The following FAM167A variants were observed in gnomAD, a reference collection of about 807,000 sequenced individuals.
FAM167A encodes protein FAM167A.
In FAM167A, 23 loss-of-function variants were observed where a neutral mutation model predicts 14.9. The ratio of observed to expected loss-of-function variants is 1.55; its 90% CI spans 1.11 to 2.19. The LOEUF is 2.19. FAM167A is among the 30% of genes most tolerant of loss of function. The pLI, the probability that FAM167A is intolerant of heterozygous loss-of-function variation, is 0.00. For synonymous variants in FAM167A, 174 were observed against 117.7 expected (o/e 1.48, Z -3.10); for missense variants, 401 against 281.5 (o/e 1.42, Z -3.04).
At chr8:11,455,966 A>AGTGAGT (rs1807256593) in intron 1 of FAM167A, among the ~76,000 whole-genome samples, 1 of 30,028 alleles carries the variant, frequency 3.3e-5, no homozygotes, top group African/African-American at 1.3e-4. Context: ...CCTTGCTGTG[A>AGTGAGT]GTGAGTGTGG....
intron 2 of FAM167A, chr8:11,435,153 TC>T: frequency 2.2e-6 from 1 of 456,454 alleles, no homozygotes; most frequent in Non-Finnish European, 4.4e-6. Context: ...CCTCTCCCAC[TC>T]TGATGCCCTT....
At chr8:11,451,484 G>C (rs1807025570) in intron 1 of FAM167A, among the ~76,000 whole-genome samples, 1 of 152,254 alleles carries the variant, frequency 6.6e-6, no homozygotes, top group South Asian at 2.1e-4. Flanking sequence ...GCTGCTATTT[G>C]TCTTTCGTTG....
At chr8:11,447,971 G>A (rs1476123907) in intron 1 of FAM167A, among the ~76,000 whole-genome samples, 1 of 152,140 alleles carries the variant, frequency 6.6e-6, no homozygotes, top group Non-Finnish European at 1.5e-5. Flanking sequence ...CGAGGCGGGT[G>A]GATCACGAGG....
chr8:11,475,450 C>T (rs566953581), intron 1 of FAM167A, among the ~76,000 whole-genome samples: 196 of 152,120 alleles, frequency 1.3e-3, no homozygotes, highest in African/African-American at 3.7e-3. Flanking sequence ...TGTTCAGCTG[C>T]GCAAGTCACT....
At chr8:11,441,962 T>G (rs1382013234) in intron 2 of FAM167A, among the ~76,000 whole-genome samples, 1 of 152,196 alleles carries the variant, frequency 6.6e-6, no homozygotes, top group Non-Finnish European at 1.5e-5. Context: ...GTGCCTGGCA[T>G]ACAGGACACA....
At chr8:11,429,617 C>G (rs1232440445) in intron 2 of FAM167A, among the ~76,000 whole-genome samples, 1 of 152,242 alleles carries the variant, frequency 6.6e-6, no homozygotes, top group Non-Finnish European at 1.5e-5. Context: ...AGGAACGGCT[C>G]ATGGCCAGCC....
intron 2 of FAM167A, chr8:11,438,296 C>G: frequency 2.5e-6 from 1 of 401,484 alleles, no homozygotes; most frequent in South Asian, 1.9e-5. Flanking sequence ...CAGGACCTCC[C>G]GGTTGGGGTC....
intron 1 of FAM167A, among the ~76,000 whole-genome samples, chr8:11,475,747 C>G (rs1797856740): frequency 1.3e-5 from 2 of 152,124 alleles, no homozygotes; most frequent in African/African-American, 4.8e-5. Context: ...TCTAATCTTT[C>G]CCTAAATGTA....
intron 1 of FAM167A, among the ~76,000 whole-genome samples, chr8:11,458,272 A>C (rs546366980): frequency 6.6e-6 from 1 of 152,252 alleles, no homozygotes. Context: ...ACCTCACTCG[A>C]CAGTCTTTTG....
intron 1 of FAM167A, chr8:11,445,379 C>A: frequency 1.0e-6 from 1 of 985,958 alleles, no homozygotes; most frequent in South Asian, 4.7e-5. Context: ...CCAGGTCTTA[C>A]TCTACGCTCC....
At chr8:11,425,558 A>G (rs912731944) in intron 2 of FAM167A, among the ~76,000 whole-genome samples, 3 of 152,178 alleles carry the variant, frequency 2.0e-5, no homozygotes, top group African/African-American at 7.2e-5. Flanking sequence ...TAAAATCCTA[A>G]GCCCCCCAAC....
At chr8:11,435,160 C>A (rs1452625118) in intron 2 of FAM167A, 2 of 456,100 alleles carry the variant, frequency 4.4e-6, no homozygotes, top group Admixed American at 2.4e-5. Context: ...CACTCTGATG[C>A]CCTTGCCCCC....
intron 1 of FAM167A, among the ~76,000 whole-genome samples, chr8:11,465,972 G>A (rs2117160164): frequency 6.6e-6 from 1 of 152,096 alleles, no homozygotes; most frequent in African/African-American, 2.4e-5. Context: ...TAACGGGTGT[G>A]CAGAAAACCT....
chr8:11,452,988 C>T (rs56223612), intron 1 of FAM167A, among the ~76,000 whole-genome samples: 10 of 152,244 alleles, frequency 6.6e-5, no homozygotes, highest in East Asian at 1.9e-4. Context: ...GTGATCTCCC[C>T]CCTCTGTCCC....
upstream of FAM167A, chr8:11,466,824 C>T (rs1030229234): frequency 2.6e-5 from 4 of 152,186 alleles, no homozygotes; most frequent in African/African-American, 9.6e-5. Flanking sequence ...CTGGCGACGG[C>T]CGAGCTCTCC....
chr8:11,456,638 G>A (rs1379777036), intron 1 of FAM167A, among the ~76,000 whole-genome samples: 1 of 151,522 alleles, frequency 6.6e-6, no homozygotes, highest in Non-Finnish European at 1.5e-5. Context: ...AGTGTGAGGT[G>A]GTTGCTCTAT....
chr8:11,445,692 A>G (rs912909015), intron 1 of FAM167A: 2 of 869,314 alleles, frequency 2.3e-6, no homozygotes, highest in Non-Finnish European at 2.8e-6. Context: ...ACTCCCAGTA[A>G]GAAGAGACCG....
Position 11,422,376 on chromosome 8 carries a change from GTGTGTGTGTGTGTGTGT to G in FAM167A, c.*1980_*1996del. On this transcript the variant is annotated 3_prime_UTR_variant, in exon 3 of 3. Coordinates refer to ENST00000284486, the MANE Select transcript of FAM167A (RefSeq NM_053279.3). ...CTGTCGTGTGTGTGTGTGTGGGGGT[GTGTGTGTGTGTGTGTGT>G]GTGTGTGTGTGTAGGTCAGCCCGAG... The G allele has an allele frequency of 1.2e-5, 1 of 85,404 alleles. No individual in the cohort carries two copies. The highest frequency in any genetic ancestry group is 7.4e-5 in the African/African-American group (1 of 13,500). The allele number at this position is 85,404 out of a possible 1,614,324, so 5.3% of individuals were successfully genotyped here.
intron 2 of FAM167A, among the ~76,000 whole-genome samples, chr8:11,428,128 G>C (rs989048630): frequency 5.3e-5 from 8 of 152,140 alleles, no homozygotes; most frequent in Non-Finnish European, 1.0e-4. Context: ...TTTAAGATTT[G>C]AGCTTTGGCC....
Sources: allele counts gnomAD v4.1 joint callset (sites outside exome capture counted in the v4.1 genomes callset), GRCh38; gene constraint gnomAD v4.1.1; transcripts MANE v1.5; gene names NCBI Gene and HGNC (gene_info 2026-07-23, HGNC 2026-07-21).